Variants in POMT2 observed in about 807,000 individuals in gnomAD.
POMT2 encodes protein O-mannosyl-transferase 2.
Under a neutral mutation model 100.0 loss-of-function variants are expected in POMT2, and 75 were observed. That is an observed-to-expected ratio of 0.75 (90% CI 0.62 to 0.91). The LOEUF is 0.91. POMT2 is among the 40% of genes least tolerant of loss of function. POMT2 has a pLI of 0.00. For synonymous variants in POMT2, 378 were observed against 374.1 expected (o/e 1.01, Z -0.12); for missense variants, 940 against 955.1 (o/e 0.98, Z 0.21).
At chr14:77,284,350 G>C (rs926863019) in intron 14 of POMT2, 13 of 212,796 alleles carry the variant, frequency 6.1e-5, no homozygotes, top group African/African-American at 2.8e-4. Context: ...ACTTGATAAA[G>C]AGTTGTTGAA....
chr14:77,300,995 C>A, intron 6 of POMT2, 95 bp downstream of exon 6: 5 of 1,608,938 alleles, frequency 3.1e-6, no homozygotes, highest in South Asian at 2.2e-5. Context: ...CACAGCCACT[C>A]TGCCACCTGC....
intron 6 of POMT2, chr14:77,300,710 C>G (rs1269226707): frequency 2.2e-5 from 6 of 277,928 alleles, no homozygotes; most frequent in African/African-American, 1.4e-4. Flanking sequence ...ATCCCAGCTA[C>G]TTGGGAGGCT....
intron 1 of POMT2, chr14:77,319,424 G>A (rs1418345733): frequency 6.6e-6 from 1 of 152,122 alleles, no homozygotes; most frequent in Non-Finnish European, 1.5e-5. Context: ...AGGAGTGAGA[G>A]AGGCTGTCAG....
chr14:77,278,291 C>T (rs1843473699), intron 20 of POMT2, 103 bp downstream of exon 20: 2 of 967,918 alleles, frequency 2.1e-6, no homozygotes, highest in Non-Finnish European at 3.2e-6. Context: ...CAGGCATGGG[C>T]ACTGGTGGTG....
At chr14:77,305,733 A>G (rs778801718) in intron 3 of POMT2, among the ~76,000 whole-genome samples, 1 of 152,180 alleles carries the variant, frequency 6.6e-6, no homozygotes, top group Non-Finnish European at 1.5e-5. Context: ...GTTCCCAAAG[A>G]GTTGGGTGTT....
At chr14:77,294,345 G>A (rs1890746589) in intron 9 of POMT2, among the ~76,000 whole-genome samples, 1 of 152,066 alleles carries the variant, frequency 6.6e-6, no homozygotes, top group South Asian at 2.1e-4. Context: ...TTTTTGAGAT[G>A]GAGTCTCACT....
Position 77,278,431 on chromosome 14 carries a change from C to A in POMT2, c.2110G>T (p.Ala704Ser). 1 of 1,494,522 alleles carries A rather than the reference C, an allele frequency of 6.7e-7. No homozygotes were observed. Among genetic ancestry groups the A allele is most frequent in the Non-Finnish European group, 9.1e-7 (1 of 1,094,810 alleles). 92.6% of individuals were successfully genotyped at this position (1,494,522 alleles called of 1,614,324 possible). The change falls in exon 20 of 21, where the codon GCG becomes TCG. Residue 704 changes from alanine (A) to serine (S), a missense_variant. Coordinates refer to ENST00000261534, the MANE Select transcript of POMT2 (RefSeq NM_013382.7). ...CCCAGGAGCAGGCTCAGGATTCCCG[C>A]CACATGTATGCCCCTCGCCAGGGGC... ...SWPLARGIHV[A>S]GILSLLLGTA...
chr14:77,304,548 T>G, intron 4 of POMT2, 144 bp downstream of exon 4: 533 of 1,332,960 alleles, frequency 4.0e-4, no homozygotes, highest in Middle Eastern at 5.4e-4. Flanking sequence ...TACTAGTGAA[T>G]GAGATTTGTA....
intron 7 of POMT2, 58 bp downstream of exon 7, chr14:77,299,397 C>G: frequency 6.7e-7 from 1 of 1,489,490 alleles, no homozygotes; most frequent in Non-Finnish European, 9.4e-7. Context: ...GACCCCTCCA[C>G]AGGCTTAGGA....
intron 1 of POMT2, among the ~76,000 whole-genome samples, chr14:77,314,638 A>C (rs1891564647): frequency 6.6e-6 from 1 of 152,174 alleles, no homozygotes; most frequent in Non-Finnish European, 1.5e-5. Flanking sequence ...TGATGGAAAG[A>C]GGTAGGATTG....
In POMT2 at chr14:77,320,683, T is replaced by C. The variant is rs1490145877; in HGVS notation, c.-2A>G. On this transcript the variant is annotated 5_prime_UTR_variant, in exon 1 of 21. Coordinates refer to ENST00000261534, the MANE Select transcript of POMT2 (RefSeq NM_013382.7). ...GCCTCCGCCCGTGGCCGGCGGCATC[T>C]TCCCCCTCCTCTGGGTCGCCCTCCG... 2 of 1,592,994 alleles carry C rather than the reference T, an allele frequency of 1.3e-6. No individual in the cohort carries two copies. The highest frequency in any genetic ancestry group is 1.7e-6 in the Non-Finnish European group (2 of 1,177,992).
chr14:77,294,151 G>T (rs1217603762), intron 9 of POMT2, among the ~76,000 whole-genome samples: 1 of 152,128 alleles, frequency 6.6e-6, no homozygotes, highest in African/African-American at 2.4e-5. Context: ...CATGAATGGA[G>T]AATTAAGGAT....
Position 77,285,547 on chromosome 14 carries a change from C to T in POMT2, c.1418G>A (p.Arg473Gln), listed in dbSNP as rs1279458453. Residue 473 changes from arginine (R) to glutamine (Q), a missense_variant, in exon 13 of 21, where the codon CGA becomes CAA. Physicochemically the swap from Arg to Gln is conservative, Grantham distance 43. Coordinates refer to ENST00000261534, the MANE Select transcript of POMT2 (RefSeq NM_013382.7). ...TGTGACCAAATGGATGAAGCGAATT[C>T]GACTTCTCAGCACTTTGATCCGGTT... Reference protein sequence around the residue: ...FGNRIKVLRSRIRFIHLVTGC... With the variant: ...FGNRIKVLRSQIRFIHLVTGC... 11 of 1,614,008 alleles carry T rather than the reference C, an allele frequency of 6.8e-6. No individual in the cohort carries two copies. Among genetic ancestry groups the T allele is most frequent in the Admixed American group, 3.3e-5 (2 of 59,994 alleles).
At chr14:77,291,278 AACAGC>A in intron 10 of POMT2, 31 bp downstream of exon 10, 1 of 1,594,056 alleles carries the variant, frequency 6.3e-7, no homozygotes. Context: ...CAGAGGGAGT[AACAGC>A]ACAAGAAGCA....
At chr14:77,277,594 G>C in intron 20 of POMT2, 113 bp from the exon 21 acceptor site, 1 of 877,800 alleles carries the variant, frequency 1.1e-6, no homozygotes, top group South Asian at 1.4e-5. Flanking sequence ...CGCCAAGCCC[G>C]GTTCTCTTTC....
chr14:77,280,938 C>CA lies in POMT2; in HGVS notation c.1654-476dup, dbSNP rs1027758101. Among the ~76,000 whole-genome samples the CA allele has an allele frequency of 1.1e-4, 16 of 152,044 alleles. 1 individual carries two copies. The South Asian group carries it at 1.9e-3, about 18-fold the overall frequency. ...AAAACCCCGTCTTTACTAAAAAATA[C>CA]AAAAAATTAGCTGAGCGTAGCGGTG... is the stretch of plus-strand genomic sequence containing the variant. On this transcript the variant is annotated intron_variant, in intron 15 of 20. Coordinates refer to ENST00000261534, the MANE Select transcript of POMT2 (RefSeq NM_013382.7).
intron 11 of POMT2, chr14:77,287,544 C>CTCTCTA (rs1377883829): frequency 1.9e-4 from 19 of 101,178 alleles, no homozygotes; most frequent in Middle Eastern, 5.1e-3. Context: ...CTCTCTCTCT[C>CTCTCTA]TATATATATA....
chr14:77,308,620 TG>T (rs1891322176), intron 2 of POMT2: 6 of 320,850 alleles, frequency 1.9e-5, no homozygotes, highest in South Asian at 1.4e-4. Flanking sequence ...CTTCCCAATG[TG>T]CTGGGATTAC....
rs748938407 is a variant in POMT2 at position 77,280,015 on chromosome 14, A to G, written c.1785+6T>C. 3 of 1,613,680 alleles carry G rather than the reference A, an allele frequency of 1.9e-6. No individual in the cohort carries two copies. The highest frequency in any genetic ancestry group is 2.5e-6 in the Non-Finnish European group (3 of 1,179,966). On this transcript the variant is annotated splice_donor_region_variant and intron_variant, in intron 17 of 20. Coordinates refer to ENST00000261534, the MANE Select transcript of POMT2 (RefSeq NM_013382.7). ...GGGCCTGAGCCGGGAATGTTTAGGC[A>G]CTCACCGGGTTGCCAAGCAGATAGA...
Sources: gnomAD v4.1 joint callset for allele counts (sites outside exome capture counted in the v4.1 genomes callset) on GRCh38, gnomAD v4.1.1 for gene constraint, MANE v1.5 for transcripts, NCBI Gene and HGNC (gene_info 2026-07-23, HGNC 2026-07-21) for gene names.